Variants in CAPN14 observed in about 807,000 individuals in gnomAD.
The protein encoded by CAPN14 is calpain-14.
Under a neutral mutation model 101.3 loss-of-function variants are expected in CAPN14, and 94 were observed. The ratio of observed to expected loss-of-function variants is 0.93; its 90% CI spans 0.79 to 1.10. The LOEUF (loss-of-function observed/expected upper bound fraction) is 1.10. Among genes scored for constraint, CAPN14 ranks in the 50% least tolerant of loss-of-function variants. The pLI, the probability that CAPN14 is intolerant of heterozygous loss-of-function variation, is 0.00. For missense variants in CAPN14, 837 were observed against 828.4 expected, an observed-to-expected ratio of 1.01 and a Z score of -0.13; for synonymous variants, 338 against 317.9, an observed-to-expected ratio of 1.06 and a Z score of -0.67.
chr2:31,209,919 C>A (rs566496007), intron 1 of CAPN14, among the ~76,000 whole-genome samples: 99 of 152,228 alleles, frequency 6.5e-4, no homozygotes, highest in South Asian at 3.9e-3. Context: ...TTGAATATTA[C>A]CAGCACAGCA....
At chr2:31,203,251 A>G (rs2148691701) in intron 2 of CAPN14, 112 bp from the exon 3 acceptor site, 1 of 764,182 alleles carries the variant, frequency 1.3e-6, no homozygotes, top group Admixed American at 2.2e-5. Context: ...ACAAAGATAC[A>G]GAATATAGGT....
At chr2:31,200,350 G>A (rs765230657) in intron 6 of CAPN14, 101 bp downstream of exon 6, 15 of 1,089,536 alleles carry the variant, frequency 1.4e-5, no homozygotes, top group Non-Finnish European at 1.8e-5. Context: ...TAGGAGCTGG[G>A]TGGAGGCCCT....
intron 1 of CAPN14, among the ~76,000 whole-genome samples, chr2:31,232,872 C>T (rs1183188858): frequency 6.6e-6 from 1 of 152,194 alleles, no homozygotes; most frequent in Admixed American, 6.5e-5. Flanking sequence ...TGGTCCATAG[C>T]CTACTCCTTC....
At chr2:31,199,579 T>G in intron 6 of CAPN14, 47 bp from the exon 7 acceptor site, 1 of 1,482,496 alleles carries the variant, frequency 6.7e-7, no homozygotes, top group East Asian at 2.5e-5. Flanking sequence ...TATGTACAGC[T>G]TATTCTTTGA....
Position 31,201,861 on chromosome 2 carries a change from C to T in CAPN14, c.551+1G>A. ...GGGGGATATTTCTGCCGGTTTCTTA[C>T]TTGGCATAGGCCTTTTCCAGAAGTG... On this transcript the variant is annotated splice_donor_variant, in intron 5 of 21. Coordinates refer to ENST00000403897, the MANE Select transcript of CAPN14 (RefSeq NM_001145122.2). LOFTEE classifies it high-confidence loss of function. 6.4e-7 allele frequency: 1 copy of T among 1,550,424 alleles called. No homozygotes were observed. The highest frequency in any genetic ancestry group is 1.2e-5 in the South Asian group (1 of 84,024).
intron 5 of CAPN14, 110 bp downstream of exon 5, chr2:31,201,752 T>C (rs772698102): frequency 9.5e-5 from 129 of 1,363,554 alleles, no homozygotes; most frequent in Non-Finnish European, 1.2e-4. Context: ...GGCTAAGACA[T>C]GCCTCAGGAT....
chr2:31,204,508 CT>C (rs1165057513), intron 2 of CAPN14, among the ~76,000 whole-genome samples: 1 of 152,150 alleles, frequency 6.6e-6, no homozygotes, highest in Non-Finnish European at 1.5e-5. Flanking sequence ...GCCCCACCCC[CT>C]GATCACTGGG....
In CAPN14 at chr2:31,173,560, T is replaced by C. The variant is rs1311562014; in HGVS notation, c.*1121A>G. ...TTCAGATTTCAGGATATCTGCATTA[T>C]AGACTTGTCAGTTGAACACCTCAAA... On this transcript the variant is annotated 3_prime_UTR_variant, in exon 22 of 22. Coordinates refer to ENST00000403897, the MANE Select transcript of CAPN14 (RefSeq NM_001145122.2). 1 of 152,218 alleles carries C rather than the reference T, an allele frequency of 6.6e-6. No individual in the cohort carries two copies. Among genetic ancestry groups the C allele is most frequent in the East Asian group, 1.9e-4 (1 of 5,196 alleles). The allele number at this position is 152,218 out of a possible 1,614,324, so 9.4% of individuals were successfully genotyped here.
intron 10 of CAPN14, 115 bp from the exon 11 acceptor site, chr2:31,192,213 G>A: frequency 8.4e-7 from 1 of 1,190,870 alleles, no homozygotes; most frequent in Non-Finnish European, 1.1e-6. Flanking sequence ...GACACCCTGA[G>A]GCCCACTGGG....
chr2:31,210,907 T>C (rs1682363440), intron 1 of CAPN14, among the ~76,000 whole-genome samples: 1 of 152,194 alleles, frequency 6.6e-6, no homozygotes, highest in African/African-American at 2.4e-5. Flanking sequence ...CTACTGTTTC[T>C]GGAATTTCAT....
intron 1 of CAPN14, among the ~76,000 whole-genome samples, chr2:31,209,506 C>T (rs1428342885): frequency 6.6e-6 from 1 of 152,168 alleles, no homozygotes; most frequent in African/African-American, 2.4e-5. Flanking sequence ...CCAGACAAGA[C>T]ACCTGGGGAT....
Position 31,230,400 on chromosome 2 carries a change from G to T in CAPN14, c.-177+3391C>A, listed in dbSNP as rs1057323673. Reference sequence around the variant, plus strand: ...ATAGAATGGAAGGAGATAGGTCATAGGACATGCACATCTTCAGCTTCACTA... The same window carrying T: ...ATAGAATGGAAGGAGATAGGTCATATGACATGCACATCTTCAGCTTCACTA... On this transcript the variant is annotated intron_variant and NMD_transcript_variant, in intron 1 of 21. Coordinates refer to the CAPN14 transcript ENST00000398824. The surrounding 1 kb of genome is among the most constrained non-coding windows in gnomAD (Gnocchi z 4.3). Among the ~76,000 whole-genome samples the T allele has an allele frequency of 1.2e-4, 18 of 152,334 alleles. No individual in the cohort carries two copies. Among genetic ancestry groups the T allele is most frequent in the African/African-American group, 3.6e-4 (15 of 41,578 alleles).
At position 31,205,492 on chromosome 2, in the gene CAPN14, T is replaced by G; in HGVS notation, c.-45A>C. On this transcript the variant is annotated 5_prime_UTR_variant, in exon 2 of 22. Coordinates refer to ENST00000403897, the MANE Select transcript of CAPN14 (RefSeq NM_001145122.2). ...CCAGTGAGTCTTCCTGAGGAGTCTC[T>G]GCTGCTCCTGAAATGGAGAGAGGAC... The G allele has an allele frequency of 6.9e-7, 1 of 1,446,498 alleles. No individual in the cohort carries two copies. Among genetic ancestry groups the G allele is most frequent in the Non-Finnish European group, 9.5e-7 (1 of 1,051,916 alleles). The allele number at this position is 1,446,498 out of a possible 1,614,324, so 89.6% of individuals were successfully genotyped here.
chr2:31,177,125 C>A lies in CAPN14; in HGVS notation c.1873G>T (p.Asp625Tyr). The A allele has an allele frequency of 6.4e-7, 1 of 1,550,674 alleles. No homozygotes were observed. The highest frequency in any genetic ancestry group is 1.2e-5 in the South Asian group (1 of 83,884). ...MREAGIMLSD[D>Y]VCQLMLIRYG... ...CGGATGAGCATCAGCTGACAGACGT[C>A]ATCACTGAGCATGATTCCTGCATTG... The change falls in exon 20 of 22, where the codon GAC becomes TAC. Residue 625 changes from aspartate to tyrosine, a missense_variant. By Grantham distance (160) the Asp-to-Tyr change is radical. Transcript: ENST00000403897.
chr2:31,183,366 C>T (rs1479645465), intron 16 of CAPN14, among the ~76,000 whole-genome samples: 1 of 152,164 alleles, frequency 6.6e-6, no homozygotes, highest in African/African-American at 2.4e-5. Flanking sequence ...AGCTTCTGCA[C>T]AGCAAAAGAA....
intron 7 of CAPN14, 99 bp downstream of exon 7, chr2:31,199,371 C>T: frequency 9.5e-7 from 1 of 1,052,230 alleles, no homozygotes; most frequent in Non-Finnish European, 1.4e-6. Context: ...TTTACCCACT[C>T]TCCAGATGGT....
At chr2:31,181,403 TTTC>T (rs1680599302) in intron 16 of CAPN14, among the ~76,000 whole-genome samples, 3 of 60,586 alleles carry the variant, frequency 5.0e-5, no homozygotes, top group Non-Finnish European at 1.3e-4. Flanking sequence ...TCTTTTTTTC[TTTC>T]TTTCTTTCTT....
At chr2:31,178,775 C>T (rs1268983590) in intron 17 of CAPN14, among the ~76,000 whole-genome samples, 196 bp from the exon 18 acceptor site, 1 of 151,996 alleles carries the variant, frequency 6.6e-6, no homozygotes, top group Non-Finnish European at 1.5e-5. Context: ...TAGGAAAAAA[C>T]AGAATGAGCC....
rs544341988 is a variant in CAPN14, at chr2:31,203,982, A to G, written c.226-843T>C. 3.3e-5 allele frequency among the ~76,000 whole-genome samples: 5 copies of G among 152,340 alleles called. No individual in the cohort carries two copies. In the South Asian group the frequency reaches 1.0e-3, roughly 32 times the overall value. On this transcript the variant is annotated intron_variant, in intron 2 of 21. Transcript: ENST00000403897. ...TATAGAGTGAAGAATACTTTTGTAAAGTGATTAATAGCTTCTTAATTTAAA... is the reference window on the plus strand; with the variant it reads ...TATAGAGTGAAGAATACTTTTGTAAGGTGATTAATAGCTTCTTAATTTAAA...
Sources: gnomAD v4.1 joint callset for allele counts (sites outside exome capture counted in the v4.1 genomes callset) on GRCh38, gnomAD v4.1.1 for gene constraint, Gnocchi (gnomAD v3.1) non-coding constraint, MANE v1.5 for transcripts, NCBI Gene and HGNC (gene_info 2026-07-23, HGNC 2026-07-21) for gene names.